The following DGKB variants were observed in gnomAD, a reference collection of about 807,000 sequenced individuals.
DGKB encodes the protein diacylglycerol kinase beta.
Under a neutral mutation model 114.3 loss-of-function variants are expected in DGKB, and 67 were observed. That is an observed-to-expected ratio of 0.59 (90% CI 0.48 to 0.72). The LOEUF (loss-of-function observed/expected upper bound fraction) is 0.72, where lower values mean the gene tolerates loss of function less well. Ranked by LOEUF, DGKB falls within the 30% of genes least tolerant of loss-of-function variation. The pLI, the probability that DGKB is intolerant of heterozygous loss-of-function variation, is 0.00. For synonymous variants in DGKB, 398 were observed against 323.1 expected, an observed-to-expected ratio of 1.23 and a Z score of -2.49; for missense variants, 907 against 975.2, an observed-to-expected ratio of 0.93 and a Z score of 0.93.
intron 23 of DGKB, among the ~76,000 whole-genome samples, chr7:14,318,374 C>G (rs1482620978): frequency 6.6e-6 from 1 of 151,820 alleles, no homozygotes; most frequent in Admixed American, 6.6e-5. Flanking sequence ...AGAAAATTTT[C>G]GCAACCTACT....
At chr7:14,440,369 A>G (rs73679766) in intron 21 of DGKB, among the ~76,000 whole-genome samples, 215 of 152,230 alleles carry the variant, frequency 1.4e-3, no homozygotes, top group African/African-American at 4.7e-3. Flanking sequence ...TGAGTTGATC[A>G]GGACCCTCAC....
intron 23 of DGKB, among the ~76,000 whole-genome samples, chr7:14,310,954 C>A (rs936682474): frequency 6.6e-6 from 1 of 151,942 alleles, no homozygotes; most frequent in Non-Finnish European, 1.5e-5. Flanking sequence ...CACAGTGAGA[C>A]CTCGTCTCCA....
At chr7:14,533,680 A>T (rs1327462237) in intron 20 of DGKB, among the ~76,000 whole-genome samples, 69 of 151,918 alleles carry the variant, frequency 4.5e-4, no homozygotes, top group Admixed American at 4.5e-3. Flanking sequence ...TGAAAGCAAT[A>T]ACTCATCACA....
Position 14,697,202 on chromosome 7 carries a change from T to G in DGKB, c.591+893A>C, listed in dbSNP as rs527913925. ...AAGAATTCTATATTCTTAAAAGCAT[T>G]TTTAGATACTCTTTCTCTAAACAAT... On this transcript the variant is annotated intron_variant, in intron 8 of 25. Coordinates refer to ENST00000402815, the MANE Select transcript of DGKB (RefSeq NM_001350709.2). Among the ~76,000 whole-genome samples, 9 of 152,294 alleles carry G rather than the reference T, an allele frequency of 5.9e-5. No individual in the cohort carries two copies. In the East Asian group the frequency reaches 1.5e-3, roughly 26 times the overall value.
chr7:14,386,275 G>A (rs531193492), intron 21 of DGKB, among the ~76,000 whole-genome samples: 155 of 152,142 alleles, frequency 1.0e-3, no homozygotes, highest in African/African-American at 3.5e-3. Context: ...TTTCTTTACC[G>A]ATGTATTTCA....
At chr7:14,439,725 A>G (rs191067490) in intron 21 of DGKB, among the ~76,000 whole-genome samples, 1 of 151,930 alleles carries the variant, frequency 6.6e-6, no homozygotes, top group East Asian at 1.9e-4. Context: ...ATAGCCAGGC[A>G]TGGTGGCAGG....
At chr7:14,302,394 G>T (rs1490604842) in intron 23 of DGKB, among the ~76,000 whole-genome samples, 2 of 151,994 alleles carry the variant, frequency 1.3e-5, no homozygotes, top group African/African-American at 2.4e-5. Context: ...TTGTGTACCT[G>T]TGTGCTGTAT....
chr7:14,537,653 T>G (rs1016879601), intron 20 of DGKB, among the ~76,000 whole-genome samples: 1 of 152,158 alleles, frequency 6.6e-6, no homozygotes, highest in African/African-American at 2.4e-5. Context: ...AAGACTTAAA[T>G]GCACAATTTG....
chr7:14,426,786 A>C (rs1336819851), intron 21 of DGKB, among the ~76,000 whole-genome samples: 1 of 152,008 alleles, frequency 6.6e-6, no homozygotes, highest in Non-Finnish European at 1.5e-5. Context: ...CAAGCGTGGC[A>C]GCTCATGCCT....
intron 1 of DGKB, among the ~76,000 whole-genome samples, chr7:14,965,165 T>C (rs891772949): frequency 1.3e-5 from 2 of 152,124 alleles, no homozygotes; most frequent in African/African-American, 2.4e-5. Context: ...ACCCTAGATA[T>C]GCAAGTAGAA....
At chr7:14,963,665 G>A (rs1361999460) in intron 1 of DGKB, among the ~76,000 whole-genome samples, 1 of 152,172 alleles carries the variant, frequency 6.6e-6, no homozygotes, top group Non-Finnish European at 1.5e-5. Flanking sequence ...ACAATTGTTT[G>A]ATACGCTAGG....
At chr7:14,416,296 T>C (rs1028291782) in intron 21 of DGKB, among the ~76,000 whole-genome samples, 2 of 152,160 alleles carry the variant, frequency 1.3e-5, no homozygotes, top group African/African-American at 4.8e-5. Flanking sequence ...TTTTCAGTTA[T>C]GTTTCATAGA....
At chr7:14,885,027 T>TA (rs1306095798) in intron 1 of DGKB, among the ~76,000 whole-genome samples, 8 of 151,942 alleles carry the variant, frequency 5.3e-5, no homozygotes, top group African/African-American at 1.9e-4. Flanking sequence ...GAAATGCTCT[T>TA]AGACTTCCTG....
chr7:14,606,956 C>A (rs1029202757), intron 17 of DGKB, among the ~76,000 whole-genome samples: 2 of 151,790 alleles, frequency 1.3e-5, no homozygotes, highest in African/African-American at 4.8e-5. Context: ...AAAATAAGAC[C>A]TTGGCAATGA....
At chr7:14,519,002 C>G (rs1319094709) in intron 20 of DGKB, among the ~76,000 whole-genome samples, 2 of 151,852 alleles carry the variant, frequency 1.3e-5, no homozygotes, top group African/African-American at 4.8e-5. Context: ...CCACTTTGGT[C>G]ATAATTTGAA....
intron 15 of DGKB, 31 bp downstream of exon 15, chr7:14,621,347 C>A: frequency 7.3e-7 from 1 of 1,365,290 alleles, no homozygotes; most frequent in Non-Finnish European, 1.0e-6. Flanking sequence ...AAATATGAAA[C>A]CTACTAAAAT....
chr7:14,699,089 C>A (rs1266650849), intron 7 of DGKB, among the ~76,000 whole-genome samples: 2 of 151,330 alleles, frequency 1.3e-5, no homozygotes, highest in Non-Finnish European at 2.9e-5. Flanking sequence ...AGCCGTGTTT[C>A]CCTCCGAGGA....
At chr7:14,810,608 T>A (rs778985940) in intron 2 of DGKB, among the ~76,000 whole-genome samples, 2 of 152,190 alleles carry the variant, frequency 1.3e-5, no homozygotes, top group African/African-American at 2.4e-5. Flanking sequence ...TTCTTTTTTT[T>A]TCTTGAGACA....
chr7:14,437,880 A>G (rs993667600), intron 21 of DGKB, among the ~76,000 whole-genome samples: 5 of 151,494 alleles, frequency 3.3e-5, no homozygotes, highest in Non-Finnish European at 7.4e-5. Context: ...TGGTCTTTAC[A>G]TAACTGAAAA....
Sources: gnomAD v4.1 joint callset for allele counts (sites outside exome capture counted in the v4.1 genomes callset) on GRCh38, gnomAD v4.1.1 for gene constraint, MANE v1.5 for transcripts, NCBI Gene and HGNC (gene_info 2026-07-23, HGNC 2026-07-21) for gene names.